The following FAM174A variants were observed in gnomAD, a reference collection of about 807,000 sequenced individuals.
FAM174A encodes the protein membrane protein FAM174A.
A neutral mutation model predicts 14.3 loss-of-function variants in FAM174A; 14 were observed. That is an observed-to-expected ratio of 0.98 (90% confidence interval 0.65 to 1.53). FAM174A has a LOEUF of 1.53. Among genes scored for constraint, FAM174A ranks in the 40% most tolerant of loss-of-function variants. FAM174A has a pLI of 0.00. For synonymous variants in FAM174A, 108 were observed against 111.4 expected (o/e 0.97, Z 0.19); for missense variants, 241 against 249.6 (o/e 0.97, Z 0.23).
At chr5:100,574,386 C>T (rs1254240245) in intron 2 of FAM174A, among the ~76,000 whole-genome samples, 2 of 151,904 alleles carry the variant, frequency 1.3e-5, no homozygotes, top group Non-Finnish European at 2.9e-5. Flanking sequence ...CAGGGTTTTA[C>T]CTTGTTGGCC....
chr5:100,549,301 G>A (rs1269204983), intron 1 of FAM174A, among the ~76,000 whole-genome samples: 1 of 152,122 alleles, frequency 6.6e-6, no homozygotes, highest in Non-Finnish European at 1.5e-5. Flanking sequence ...GAATTACCAA[G>A]TCTCACATCC....
intron 2 of FAM174A, among the ~76,000 whole-genome samples, chr5:100,582,282 C>CA (rs1308332901): frequency 1.3e-5 from 2 of 151,568 alleles, no homozygotes; most frequent in African/African-American, 4.8e-5. Context: ...AATTTACTTT[C>CA]AAAGTAAAAA....
rs571520466 is a variant in FAM174A, at chr5:100,585,595, G to T, written c.570-586G>T. On this transcript the variant is annotated intron_variant, in intron 2 of 2. Transcript: ENST00000312637. ...CACCTGGCTAATTTTTGTATTTTTA[G>T]TAGAGATGGGCTTTCACCATGTTGG... 1.2e-4 allele frequency among the ~76,000 whole-genome samples: 19 copies of T among 152,124 alleles called. No homozygotes were observed. In the East Asian group the frequency reaches 3.7e-3, roughly 29 times the overall value.
chr5:100,559,685 C>G (rs1746482575), intron 1 of FAM174A, among the ~76,000 whole-genome samples: 1 of 152,082 alleles, frequency 6.6e-6, no homozygotes, highest in Non-Finnish European at 1.5e-5. Context: ...CTTGTCACTT[C>G]ATGTCATTCA....
At chr5:100,578,488 C>A (rs563811765) in intron 2 of FAM174A, among the ~76,000 whole-genome samples, 3 of 152,178 alleles carry the variant, frequency 2.0e-5, no homozygotes, top group African/African-American at 7.2e-5. Context: ...AAAACAACAA[C>A]AAAAATCCAA....
At chr5:100,541,321 G>A (rs26031) in intron 1 of FAM174A, among the ~76,000 whole-genome samples, 86,036 of 151,966 alleles carry the variant, frequency 0.57, 26,652 homozygotes, top group African/African-American at 0.81. Context: ...TATCATTCCT[G>A]TTAGACAAAG....
chr5:100,556,595 C>G (rs377766087), intron 1 of FAM174A, among the ~76,000 whole-genome samples: 34 of 152,098 alleles, frequency 2.2e-4, no homozygotes, highest in East Asian at 9.7e-4. Context: ...TCTTCCATTT[C>G]TTTGTATCCT....
At chr5:100,546,717 A>G (rs1381927504) in intron 1 of FAM174A, among the ~76,000 whole-genome samples, 1 of 152,194 alleles carries the variant, frequency 6.6e-6, no homozygotes, top group Non-Finnish European at 1.5e-5. Flanking sequence ...TATATGCACT[A>G]TACCAGATAC....
chr5:100,537,058 C>T (rs576595590), intron 1 of FAM174A, among the ~76,000 whole-genome samples: 2 of 152,268 alleles, frequency 1.3e-5, no homozygotes, highest in Admixed American at 6.5e-5. Context: ...CACATTGCAA[C>T]TAATCTTTAA....
At chr5:100,538,459 C>G (rs975739019) in intron 1 of FAM174A, among the ~76,000 whole-genome samples, 1 of 151,780 alleles carries the variant, frequency 6.6e-6, no homozygotes, top group African/African-American at 2.4e-5. Flanking sequence ...CTTTTTGAGT[C>G]TGGAAACATT....
Position 100,562,086 on chromosome 5 carries a change from A to C in FAM174A, c.467A>C (p.Tyr156Ser). ...AGAAGAAACCGAAAGACTAGGAGAT[A>C]TGGAGTTTTGGACACTAACATAGAA... ...MRRRNRKTRRYGVLDTNIENM... is the reference protein window; with the variant it reads ...MRRRNRKTRRSGVLDTNIENM... The change falls in exon 2 of 3, where the codon TAT (tyrosine) becomes TCT (serine). Residue 156 changes from tyrosine (Y) to serine (S), a missense_variant. Physicochemically the swap from Tyr to Ser is moderately radical, Grantham distance 144 (BLOSUM62 -2). Transcript: ENST00000312637. 6.3e-7 allele frequency: 1 copy of C among 1,583,904 alleles called. No homozygotes were observed.
At chr5:100,559,269 A>C (rs1266428113) in intron 1 of FAM174A, among the ~76,000 whole-genome samples, 1 of 152,114 alleles carries the variant, frequency 6.6e-6, no homozygotes, top group Non-Finnish European at 1.5e-5. Flanking sequence ...ATTGGCCCCC[A>C]CTATCTTCTG....
chr5:100,538,360 A>G (rs1211925049), intron 1 of FAM174A, among the ~76,000 whole-genome samples: 1 of 152,116 alleles, frequency 6.6e-6, no homozygotes. Context: ...TACTTGTAAA[A>G]TTTTATTACA....
At chr5:100,541,095 C>A (rs774001073) in intron 1 of FAM174A, among the ~76,000 whole-genome samples, 1 of 152,150 alleles carries the variant, frequency 6.6e-6, no homozygotes, top group Non-Finnish European at 1.5e-5. Flanking sequence ...TATGGGCCAC[C>A]TTTAAGCCCA....
At chr5:100,554,994 T>C (rs575171766) in intron 1 of FAM174A, among the ~76,000 whole-genome samples, 18 of 152,186 alleles carry the variant, frequency 1.2e-4, no homozygotes, top group Non-Finnish European at 2.2e-4. Context: ...TTGTTACATA[T>C]GTATACATGT....
rs531276699 is a variant in FAM174A at position 100,581,679 on chromosome 5, G to A, written c.570-4502G>A. Among the ~76,000 whole-genome samples the A allele has an allele frequency of 2.0e-4, 31 of 152,234 alleles. 1 individual carries two copies. The highest frequency in any genetic ancestry group is 3.9e-4 in the Admixed American group (6 of 15,298). ...GCCTTCTTCAATATTACATTTGGTC[G>A]TGGTTGAGTCATGCCAGGGAGGGAG... is the stretch of plus-strand genomic sequence containing the variant. On this transcript the variant is annotated intron_variant, in intron 2 of 2. Transcript: ENST00000312637.
At chr5:100,582,827 GAA>G (rs1747048289) in intron 2 of FAM174A, among the ~76,000 whole-genome samples, 2 of 151,978 alleles carry the variant, frequency 1.3e-5, no homozygotes, top group South Asian at 4.1e-4. Flanking sequence ...TTAGAAATAG[GAA>G]CAAATAACTG....
chr5:100,575,781 C>G (rs1294554272), intron 2 of FAM174A, among the ~76,000 whole-genome samples: 2 of 152,154 alleles, frequency 1.3e-5, no homozygotes, highest in Non-Finnish European at 2.9e-5. Flanking sequence ...TTGCAATCTA[C>G]TCATCTGACA....
chr5:100,581,428 TA>T, intron 2 of FAM174A: 2 of 974,952 alleles, frequency 2.1e-6, no homozygotes, highest in Non-Finnish European at 2.4e-6. Flanking sequence ...GAGTTAAAGT[TA>T]TTTTTTTAAA....
Sources: gnomAD v4.1 joint callset for allele counts (sites outside exome capture counted in the v4.1 genomes callset) on GRCh38, gnomAD v4.1.1 for gene constraint, MANE v1.5 for transcripts, NCBI Gene and HGNC (gene_info 2026-07-23, HGNC 2026-07-21) for gene names.